DLG2: variants seen among roughly 807,000 people sequenced by gnomAD.
DLG2 encodes the protein discs large MAGUK scaffold protein 2, also known as disks large homolog 2.
In DLG2, 45 loss-of-function variants were observed where a neutral mutation model predicts 132.5. The ratio of observed to expected loss-of-function variants is 0.34; its 90% CI spans 0.27 to 0.44. DLG2 has a LOEUF of 0.44. Among genes scored for constraint, DLG2 ranks in the 20% least tolerant of loss-of-function variants. DLG2 has a pLI of 1.00. For missense variants in DLG2, 1,045 were observed against 1,196.9 expected (o/e 0.87, Z 1.87); for synonymous variants, 424 against 419.6 (o/e 1.01, Z -0.13).
intron 6 of DLG2, among the ~76,000 whole-genome samples, chr11:85,062,682 T>C (rs968671087): frequency 1.3e-5 from 2 of 151,658 alleles, no homozygotes; most frequent in Non-Finnish European, 2.9e-5. Flanking sequence ...AGTAAGATAA[T>C]AGAAATGAGT....
intron 4 of DLG2, among the ~76,000 whole-genome samples, chr11:85,177,831 A>G (rs1376122155): frequency 6.6e-6 from 1 of 152,148 alleles, no homozygotes; most frequent in Non-Finnish European, 1.5e-5. Context: ...ACCTTCTCAA[A>G]TCATGTAATG....
intron 6 of DLG2, among the ~76,000 whole-genome samples, chr11:84,685,331 A>G (rs2099737175): frequency 1.3e-5 from 2 of 152,218 alleles, no homozygotes; most frequent in African/African-American, 4.8e-5. Flanking sequence ...TGATGAGTGA[A>G]TAAGTGTTCT....
At chr11:85,427,475 C>G (rs966272524) in intron 3 of DLG2, among the ~76,000 whole-genome samples, 2 of 152,212 alleles carry the variant, frequency 1.3e-5, no homozygotes, top group African/African-American at 4.8e-5. Context: ...CAATATTCAA[C>G]TTTCTTAAAG....
chr11:84,930,937 C>G (rs892159253), intron 6 of DLG2, among the ~76,000 whole-genome samples: 1 of 152,146 alleles, frequency 6.6e-6, no homozygotes, highest in Non-Finnish European at 1.5e-5. Flanking sequence ...TCATTTTCCA[C>G]ACTGACTCTG....
At chr11:83,856,491 T>C (rs1297889847) in intron 16 of DLG2, among the ~76,000 whole-genome samples, 1 of 152,128 alleles carries the variant, frequency 6.6e-6, no homozygotes, top group East Asian at 1.9e-4. Flanking sequence ...CTTGCCAACA[T>C]CTGTTGTTTT....
chr11:84,975,305 G>A (rs2054734459), intron 6 of DLG2, among the ~76,000 whole-genome samples: 1 of 152,248 alleles, frequency 6.6e-6, no homozygotes, highest in African/African-American at 2.4e-5. Context: ...GCATAGGTGG[G>A]GTGATGATGC....
At chr11:84,185,755 T>A (rs1054621401) in intron 8 of DLG2, among the ~76,000 whole-genome samples, 4 of 152,198 alleles carry the variant, frequency 2.6e-5, no homozygotes, top group African/African-American at 9.7e-5. Flanking sequence ...CATCAATACC[T>A]AATTTATTGA....
intron 8 of DLG2, among the ~76,000 whole-genome samples, chr11:84,187,691 G>GA (rs2096305817): frequency 1.3e-5 from 2 of 151,918 alleles, no homozygotes; most frequent in African/African-American, 2.4e-5. Context: ...AGGATTTTAG[G>GA]ATAAAAAAAA....
At chr11:84,453,039 A>C (rs1789794) in intron 7 of DLG2, among the ~76,000 whole-genome samples, 209 of 151,750 alleles carry the variant, frequency 1.4e-3, no homozygotes, top group African/African-American at 4.7e-3. Context: ...CACGTACCCC[A>C]AAAATATGTA....
chr11:84,010,852 C>A (rs927592953), intron 11 of DLG2, among the ~76,000 whole-genome samples: 1 of 151,980 alleles, frequency 6.6e-6, no homozygotes, highest in Admixed American at 6.6e-5. Context: ...AGTCTCGAGT[C>A]GATCAATTAA....
At chr11:84,288,260 TACTTAC>T (rs970550322) in intron 7 of DLG2, among the ~76,000 whole-genome samples, 1 of 151,998 alleles carries the variant, frequency 6.6e-6, no homozygotes, top group African/African-American at 2.4e-5. Context: ...ATTAAATGAA[TACTTAC>T]ACTTAAATAT....
chr11:85,532,758 C>T (rs991849877), intron 3 of DLG2, among the ~76,000 whole-genome samples: 2 of 152,170 alleles, frequency 1.3e-5, no homozygotes, highest in East Asian at 3.9e-4. Flanking sequence ...TAATGATCTG[C>T]CCATAGAAAA....
chr11:85,385,723 G>A (rs2086267728), intron 3 of DLG2, among the ~76,000 whole-genome samples: 1 of 152,188 alleles, frequency 6.6e-6, no homozygotes, highest in South Asian at 2.1e-4. Flanking sequence ...TTCCTCCCCT[G>A]AGGCCAGAAG....
intron 9 of DLG2, among the ~76,000 whole-genome samples, chr11:84,103,357 G>C (rs2154184373): frequency 6.6e-6 from 1 of 152,266 alleles, no homozygotes; most frequent in South Asian, 2.1e-4. Flanking sequence ...ACAGATCTCA[G>C]CTCCTCTCTT....
intron 12 of DLG2, 49 bp downstream of exon 12, chr11:83,980,457 A>G (rs773840722): frequency 3.4e-5 from 54 of 1,573,904 alleles, no homozygotes; most frequent in Non-Finnish European, 4.2e-5. Flanking sequence ...TACACTGGAA[A>G]ACAAGAGCTT....
At chr11:84,281,420 T>C (rs2097853325) in intron 7 of DLG2, among the ~76,000 whole-genome samples, 1 of 152,030 alleles carries the variant, frequency 6.6e-6, no homozygotes, top group South Asian at 2.1e-4. Flanking sequence ...AAAAAACAAA[T>C]AACTCTTTTT....
intron 10 of DLG2, among the ~76,000 whole-genome samples, chr11:84,084,604 C>G (rs1030349479): frequency 6.6e-6 from 1 of 152,190 alleles, no homozygotes; most frequent in African/African-American, 2.4e-5. Flanking sequence ...CTTGACCAAA[C>G]TTTAGTCAGG....
At chr11:85,592,661 T>C (rs574425591) in intron 3 of DLG2, among the ~76,000 whole-genome samples, 38 of 152,292 alleles carry the variant, frequency 2.5e-4, no homozygotes, top group Middle Eastern at 6.8e-3. Context: ...TTAGATATTC[T>C]ATTGTAAGGC....
intron 6 of DLG2, among the ~76,000 whole-genome samples, chr11:84,951,429 C>T (rs1426540395): frequency 1.3e-5 from 2 of 151,980 alleles, no homozygotes; most frequent in East Asian, 3.9e-4. Context: ...ATGGCAAACA[C>T]TTGGTATATG....
Sources: gnomAD v4.1 joint callset for allele counts (sites outside exome capture counted in the v4.1 genomes callset) on GRCh38, gnomAD v4.1.1 for gene constraint, MANE v1.5 for transcripts, NCBI Gene and HGNC (gene_info 2026-07-23, HGNC 2026-07-21) for gene names.